TULP4: variants seen among roughly 807,000 people sequenced by gnomAD.
TULP4 encodes tubby-related protein 4.
Under a neutral mutation model 129.0 loss-of-function variants are expected in TULP4, and 16 were observed. That is an observed-to-expected ratio of 0.12 (90% CI 0.08 to 0.19). TULP4 has a LOEUF of 0.19. TULP4 is among the 10% of genes least tolerant of loss of function. The probability of loss-of-function intolerance (pLI) is 1.00; values close to 1 mark genes in which losing one functional copy is unlikely to be tolerated. For synonymous variants in TULP4, 998 were observed against 854.0 expected, an observed-to-expected ratio of 1.17 and a Z score of -2.94; for missense variants, 1,842 against 2,059.1, an observed-to-expected ratio of 0.89 and a Z score of 2.04.
intron 6 of TULP4, among the ~76,000 whole-genome samples, chr6:158,463,653 T>A (rs1213335904): frequency 7.9e-5 from 4 of 50,930 alleles, no homozygotes; most frequent in African/African-American, 7.0e-4. Context: ...AATAAAAATA[T>A]ATATATATAT....
intron 1 of TULP4, among the ~76,000 whole-genome samples, chr6:158,235,212 A>G (rs1190262503): frequency 6.6e-6 from 1 of 152,036 alleles, no homozygotes; most frequent in Non-Finnish European, 1.5e-5. Context: ...TTTTCAGTGT[A>G]CAGTTCAGTA....
At chr6:158,436,949 C>T (rs1013838084) in intron 3 of TULP4, among the ~76,000 whole-genome samples, 2 of 152,204 alleles carry the variant, frequency 1.3e-5, no homozygotes, top group South Asian at 2.1e-4. Context: ...AGTCCCTTCT[C>T]ATCTGCTAAG....
chr6:158,249,438 G>T (rs951288359), intron 1 of TULP4, among the ~76,000 whole-genome samples: 5 of 152,172 alleles, frequency 3.3e-5, no homozygotes, highest in Non-Finnish European at 5.9e-5. Flanking sequence ...AAGTGAGAAT[G>T]AAAGTGGCAC....
chr6:158,407,268 G>A (rs1412778147), intron 1 of TULP4, among the ~76,000 whole-genome samples: 1 of 152,242 alleles, frequency 6.6e-6, no homozygotes, highest in African/African-American at 2.4e-5. Flanking sequence ...CCAAGCACAT[G>A]AGAAGATGCT....
chr6:158,338,030 A>C (rs6910869), intron 1 of TULP4, among the ~76,000 whole-genome samples: 131,045 of 152,202 alleles, frequency 0.86, 56,850 homozygotes, highest in South Asian at 0.93. Context: ...GGCCGTAGTT[A>C]TTGAAGGGTA....
In TULP4 at chr6:158,385,025, G is replaced by T. The variant is rs1417958465; in HGVS notation, c.253-28040G>T. On this transcript the variant is annotated intron_variant, in intron 1 of 13. Transcript: ENST00000367097. The stretch of plus-strand genomic sequence containing the variant: ...CTTTTAATTAAGTTAAGAGTTAGTC[G>T]ACTAAGGCAAATGACCTGATGCTTT... 2.6e-5 allele frequency among the ~76,000 whole-genome samples: 4 copies of T among 152,268 alleles called. No homozygotes were observed. In the East Asian group the frequency reaches 7.7e-4, roughly 29 times the overall value.
At chr6:158,484,277 C>G (rs922535740) in intron 8 of TULP4, among the ~76,000 whole-genome samples, 6 of 151,264 alleles carry the variant, frequency 4.0e-5, no homozygotes, top group Admixed American at 1.3e-4. Context: ...CAGGGTCTTA[C>G]TCTGTCACCC....
chr6:158,503,736 T>C lies in TULP4; in HGVS notation c.4073T>C (p.Val1358Ala). ...GSVQAITEGK[V>A]KKEARTLSDF... ...GTTCAGGCCATCACTGAGGGCAAAG[T>C]GAAGAAGGAGGCTAGGACTTTGAGT... Residue 1358 changes from valine to alanine, a missense_variant, in exon 13 of 14, where the codon GTG becomes GCG. Around this residue, in one of 5 missense-constraint regions of TULP4, gnomAD observed 1,089 missense variants for 987.1 expected, o/e 1.10. Coordinates refer to ENST00000367097, the MANE Select transcript of TULP4 (RefSeq NM_020245.5). This position sits in a 1 kb window ranked among gnomAD's most constrained non-coding sequence, Gnocchi z 4.3. 6.2e-7 allele frequency: 1 copy of C among 1,613,960 alleles called. No homozygotes were observed. Among genetic ancestry groups the C allele is most frequent in the Non-Finnish European group, 8.5e-7 (1 of 1,180,028 alleles).
At chr6:158,465,527 G>T (rs928587482) in intron 6 of TULP4, among the ~76,000 whole-genome samples, 1 of 152,186 alleles carries the variant, frequency 6.6e-6, no homozygotes, top group Non-Finnish European at 1.5e-5. Context: ...TGGACTTGCT[G>T]GATCATATGG....
At chr6:158,360,348 G>A (rs942760185) in intron 1 of TULP4, among the ~76,000 whole-genome samples, 1 of 152,094 alleles carries the variant, frequency 6.6e-6, no homozygotes, top group Non-Finnish European at 1.5e-5. Context: ...GGAAATGGTC[G>A]GGAACTGATA....
At chr6:158,280,617 C>G (rs1778731907), upstream of TULP4, among the ~76,000 whole-genome samples, 1 of 152,214 alleles carries the variant, frequency 6.6e-6, no homozygotes, top group South Asian at 2.1e-4. Context: ...CTGTTGGCTG[C>G]TGAGACAAGT....
intron 1 of TULP4, among the ~76,000 whole-genome samples, chr6:158,297,342 T>C (rs550083480): frequency 5.3e-5 from 8 of 152,290 alleles, no homozygotes; most frequent in Non-Finnish European, 8.8e-5. Flanking sequence ...ATCGCTGTTA[T>C]TCTGTTCTTT....
intron 1 of TULP4, among the ~76,000 whole-genome samples, chr6:158,400,785 G>C (rs887187942): frequency 1.3e-5 from 2 of 152,110 alleles, no homozygotes; most frequent in Non-Finnish European, 2.9e-5. Flanking sequence ...GTGTGCAACA[G>C]AGCTCAGTAA....
At chr6:158,344,411 A>T (rs1365412859) in intron 1 of TULP4, among the ~76,000 whole-genome samples, 1 of 152,040 alleles carries the variant, frequency 6.6e-6, no homozygotes, top group Admixed American at 6.5e-5. Context: ...GTTTTTTACA[A>T]ATTGAAGTTC....
intron 1 of TULP4, among the ~76,000 whole-genome samples, chr6:158,327,707 T>C (rs1779776668): frequency 6.6e-6 from 1 of 152,152 alleles, no homozygotes; most frequent in African/African-American, 2.4e-5. Context: ...ATCTGCTTTT[T>C]TTGAGGTTTT....
At chr6:158,282,545 G>A (rs1778772487) in intron 1 of TULP4, among the ~76,000 whole-genome samples, 1 of 151,162 alleles carries the variant, frequency 6.6e-6, no homozygotes, top group Admixed American at 6.6e-5. Context: ...GCTACCCGGT[G>A]TCTACTCTTT....
At chr6:158,481,336 T>A (rs1237890534) in intron 8 of TULP4, 47 bp downstream of exon 8, 1 of 1,557,688 alleles carries the variant, frequency 6.4e-7, no homozygotes, top group East Asian at 2.4e-5. Context: ...CCTGTGGTCA[T>A]GGGCTGTTAA....
At chr6:158,460,293 C>T (rs745492974) in intron 5 of TULP4, among the ~76,000 whole-genome samples, 4 of 152,114 alleles carry the variant, frequency 2.6e-5, no homozygotes, top group Non-Finnish European at 4.4e-5. Context: ...TGATAGAGCC[C>T]GGGGACCACT....
intron 12 of TULP4, among the ~76,000 whole-genome samples, chr6:158,499,067 AC>A (rs1780391521): frequency 6.6e-6 from 1 of 152,222 alleles, no homozygotes; most frequent in South Asian, 2.1e-4. Context: ...TTTTCGGAGC[AC>A]AGTTCTAACA....
Sources: allele counts gnomAD v4.1 joint callset (sites outside exome capture counted in the v4.1 genomes callset), GRCh38; gene constraint gnomAD v4.1.1; regional missense constraint gnomAD v4.1.1; non-coding constraint Gnocchi (gnomAD v3.1); transcripts MANE v1.5; gene names NCBI Gene and HGNC (gene_info 2026-07-23, HGNC 2026-07-21).